The following GREB1L variants were observed in gnomAD, a reference collection of about 807,000 sequenced individuals.
The protein encoded by GREB1L is GREB1-like protein.
Under a neutral mutation model 200.8 loss-of-function variants are expected in GREB1L, and 17 were observed. That is an observed-to-expected ratio of 0.08 (90% CI 0.06 to 0.13). GREB1L has a LOEUF of 0.13. GREB1L is among the 10% of genes least tolerant of loss of function. GREB1L has a pLI of 1.00. For synonymous variants in GREB1L, 789 were observed against 893.0 expected, an observed-to-expected ratio of 0.88 and a Z score of 2.08; for missense variants, 1,657 against 2,367.7, an observed-to-expected ratio of 0.70 and a Z score of 6.23.
intron 7 of GREB1L, among the ~76,000 whole-genome samples, chr18:21,429,022 A>G (rs1023930918): frequency 6.6e-6 from 1 of 151,750 alleles, no homozygotes; most frequent in African/African-American, 2.4e-5. Flanking sequence ...CCAGCCTATA[A>G]TCCTTTTTAT....
intron 1 of GREB1L, among the ~76,000 whole-genome samples, chr18:21,335,081 T>A (rs1447929684): frequency 6.6e-6 from 1 of 152,180 alleles, no homozygotes; most frequent in Non-Finnish European, 1.5e-5. Context: ...TGGCAGTACA[T>A]AAAAGTGGGT....
intron 5 of GREB1L, among the ~76,000 whole-genome samples, chr18:21,400,679 T>G (rs1883097709): frequency 6.6e-6 from 1 of 152,166 alleles, no homozygotes; most frequent in Non-Finnish European, 1.5e-5. Flanking sequence ...ATTCTGACTG[T>G]CCCAGACTGG....
At chr18:21,399,453 T>TGGA (rs2041220148) in intron 5 of GREB1L, among the ~76,000 whole-genome samples, 6 of 146,198 alleles carry the variant, frequency 4.1e-5, no homozygotes, top group Non-Finnish European at 7.5e-5. Flanking sequence ...GGATGGATGG[T>TGGA]TGGATGGATG....
intron 1 of GREB1L, among the ~76,000 whole-genome samples, chr18:21,266,350 G>T (rs1344003956): frequency 6.6e-6 from 1 of 152,188 alleles, no homozygotes; most frequent in East Asian, 1.9e-4. Context: ...ATCTAGAAAA[G>T]ATTTAAAGAG....
At chr18:21,304,434 C>CAACAG (rs1486943794) in intron 1 of GREB1L, among the ~76,000 whole-genome samples, 1 of 151,970 alleles carries the variant, frequency 6.6e-6, no homozygotes, top group Non-Finnish European at 1.5e-5. Flanking sequence ...ATGTGAGGCA[C>CAACAG]AACAGCCTAT....
chr18:21,499,124 G>C (rs2036671426), intron 21 of GREB1L, among the ~76,000 whole-genome samples: 1 of 152,182 alleles, frequency 6.6e-6, no homozygotes, highest in Admixed American at 6.5e-5. Context: ...GTCCATGGAA[G>C]GGGTTGCAGT....
rs193243388 is a variant in GREB1L at position 21,303,456 on chromosome 18, A to G, written c.-120+61063A>G. Among the ~76,000 whole-genome samples the G allele has an allele frequency of 1.6e-3, 238 of 152,376 alleles. 3 individuals carry two copies. The highest frequency in any genetic ancestry group is 5.6e-3 in the African/African-American group (231 of 41,590). On this transcript the variant is annotated intron_variant, in intron 1 of 32. Transcript: ENST00000424526. Reference sequence around the variant, plus strand: ...GTTTGGGAGAACTAAACTATTAAGCATAAATATAACATTTTTCCGGAGACT... The same window carrying G: ...GTTTGGGAGAACTAAACTATTAAGCGTAAATATAACATTTTTCCGGAGACT...
chr18:21,322,666 C>T (rs1306950881), intron 1 of GREB1L, among the ~76,000 whole-genome samples: 3 of 151,966 alleles, frequency 2.0e-5, no homozygotes, highest in East Asian at 1.9e-4. Context: ...GATGTTAAAA[C>T]GTATCTAAAG....
At chr18:21,473,380 G>C (rs2035557815) in intron 16 of GREB1L, among the ~76,000 whole-genome samples, 169 bp downstream of exon 16, 1 of 151,968 alleles carries the variant, frequency 6.6e-6, no homozygotes, top group African/African-American at 2.4e-5. Context: ...GACCAGCCTG[G>C]CCAACATGGT....
chr18:21,474,984 A>G (rs562222612), intron 16 of GREB1L, among the ~76,000 whole-genome samples: 59 of 152,260 alleles, frequency 3.9e-4, no homozygotes, highest in African/African-American at 1.3e-3. Flanking sequence ...CCCACAACAC[A>G]TGGGAATTAT....
chr18:21,298,340 A>G (rs1443078261), intron 1 of GREB1L, among the ~76,000 whole-genome samples: 1 of 152,074 alleles, frequency 6.6e-6, no homozygotes, highest in Admixed American at 6.5e-5. Flanking sequence ...TTCAACAAGT[A>G]TTTTTTTAGT....
intron 1 of GREB1L, among the ~76,000 whole-genome samples, chr18:21,255,655 C>G (rs1381147007): frequency 6.6e-6 from 1 of 152,128 alleles, no homozygotes; most frequent in African/African-American, 2.4e-5. Context: ...AATATACTGA[C>G]CACTGGAGTT....
chr18:21,396,695 C>T (rs1000569789), intron 5 of GREB1L, among the ~76,000 whole-genome samples: 1 of 152,122 alleles, frequency 6.6e-6, no homozygotes, highest in African/African-American at 2.4e-5. Context: ...CTTTATATTT[C>T]TATCTATATG....
At chr18:21,268,489 G>GTATATATATACATATAT (rs2038009046) in intron 1 of GREB1L, among the ~76,000 whole-genome samples, 1 of 124,916 alleles carries the variant, frequency 8.0e-6, no homozygotes, top group East Asian at 2.3e-4. Context: ...GTGTGTGTGT[G>GTATATATATACATATAT]TATATATATA....
intron 7 of GREB1L, among the ~76,000 whole-genome samples, chr18:21,436,509 C>T (rs1184710373): frequency 6.6e-6 from 1 of 152,036 alleles, no homozygotes; most frequent in Non-Finnish European, 1.5e-5. Context: ...TTATGTGCAC[C>T]TGTGGCCCCA....
intron 7 of GREB1L, among the ~76,000 whole-genome samples, chr18:21,415,869 C>T (rs372507418): frequency 6.6e-6 from 1 of 152,016 alleles, no homozygotes; most frequent in South Asian, 2.1e-4. Context: ...TAACTGTATA[C>T]AAAACAAAGC....
chr18:21,466,578 A>T (rs1371603911), intron 15 of GREB1L, among the ~76,000 whole-genome samples: 1 of 152,196 alleles, frequency 6.6e-6, no homozygotes, highest in African/African-American at 2.4e-5. Flanking sequence ...CTTTGAAATA[A>T]TGAAGCATTG....
chr18:21,372,107 A>G (rs1567957499), intron 2 of GREB1L, among the ~76,000 whole-genome samples: 1 of 152,146 alleles, frequency 6.6e-6, no homozygotes. Context: ...ATCTGTAAAG[A>G]AAAAGGTAAT....
Position 21,401,342 on chromosome 18 carries a change from G to T in GREB1L, c.709+16G>T. 1 of 1,540,506 alleles carries T rather than the reference G, an allele frequency of 6.5e-7. No individual in the cohort carries two copies. On this transcript the variant is annotated intron_variant, in intron 6 of 32. Transcript: ENST00000424526. ...TGCTGGAAAGGTAGTCAATTTCCAG[G>T]AAGAAAAGGGGAGGGAATGGAGATT...
Sources: gnomAD v4.1 joint callset for allele counts (sites outside exome capture counted in the v4.1 genomes callset) on GRCh38, gnomAD v4.1.1 for gene constraint, MANE v1.5 for transcripts, NCBI Gene and HGNC (gene_info 2026-07-23, HGNC 2026-07-21) for gene names.